The following CFAP299 variants were observed in gnomAD, a reference collection of about 807,000 sequenced individuals.
CFAP299 encodes the protein cilia and flagella associated protein 299.
CFAP299 carries 21 observed loss-of-function variants against 27.0 expected under a neutral mutation model. That is an observed-to-expected ratio of 0.78 (90% CI 0.55 to 1.12). The LOEUF (loss-of-function observed/expected upper bound fraction) is 1.12. Ranked by LOEUF, CFAP299 falls within the 50% of genes most tolerant of loss-of-function variation. The pLI is 0.00. For missense variants in CFAP299, 310 were observed against 276.6 expected, an observed-to-expected ratio of 1.12 and a Z score of -0.86; for synonymous variants, 104 against 98.1, an observed-to-expected ratio of 1.06 and a Z score of -0.36.
chr4:80,799,670 A>AATAT (rs376655396), intron 3 of CFAP299, among the ~76,000 whole-genome samples: 1 of 9,018 alleles, frequency 1.1e-4, no homozygotes, highest in Admixed American at 2.6e-3. Flanking sequence ...ATATTTTATA[A>AATAT]ATATATATTT....
At chr4:80,893,038 A>G (rs973391555) in intron 4 of CFAP299, among the ~76,000 whole-genome samples, 3 of 152,016 alleles carry the variant, frequency 2.0e-5, no homozygotes, top group African/African-American at 7.2e-5. Context: ...ATTCAGTAAA[A>G]TAGGATCAAA....
At chr4:80,784,970 G>A (rs914027711) in intron 3 of CFAP299, among the ~76,000 whole-genome samples, 5 of 152,040 alleles carry the variant, frequency 3.3e-5, no homozygotes, top group Admixed American at 2.0e-4. Flanking sequence ...TATATGATTT[G>A]CAAATATTTT....
intron 3 of CFAP299, among the ~76,000 whole-genome samples, chr4:80,680,481 A>G (rs1719768522): frequency 6.6e-6 from 1 of 152,170 alleles, no homozygotes; most frequent in African/African-American, 2.4e-5. Context: ...AAAATAGCCC[A>G]ACGACACATC....
chr4:80,852,471 A>C (rs1731581696), intron 3 of CFAP299, among the ~76,000 whole-genome samples: 1 of 152,206 alleles, frequency 6.6e-6, no homozygotes, highest in South Asian at 2.1e-4. Context: ...TAATAAAGTA[A>C]TAAGATAATA....
In CFAP299 at chr4:80,870,848, G is replaced by A. The variant is rs1438825701; in HGVS notation, c.476+713G>A. On this transcript the variant is annotated intron_variant, in intron 4 of 5. Coordinates refer to ENST00000358105, the MANE Select transcript of CFAP299 (RefSeq NM_152770.3). ...AATACCTACCTCCTCTGAGATGCCTGTTATCCTCTATCCACCCTTACTGAT... is the reference window on the plus strand; with the variant it reads ...AATACCTACCTCCTCTGAGATGCCTATTATCCTCTATCCACCCTTACTGAT... 2.3e-5 allele frequency: 23 copies of A among 985,106 alleles called. No homozygotes were observed. In the South Asian group the frequency reaches 8.9e-4, roughly 38 times the overall value. The allele number at this position is 985,106 out of a possible 1,614,324, so 61.0% of individuals were successfully genotyped here. A position where few individuals can be genotyped will look rare whatever the true frequency, so the allele number is the denominator to read the frequency against.
At chr4:80,447,626 T>C (rs1210651088) in intron 2 of CFAP299, among the ~76,000 whole-genome samples, 1 of 151,784 alleles carries the variant, frequency 6.6e-6, no homozygotes, top group African/African-American at 2.4e-5. Context: ...TGCTAATTTT[T>C]ATGTTTAGTA....
chr4:80,388,815 TTCTTC>T lies in CFAP299; in HGVS notation c.242+25937_242+25941del, dbSNP rs1310022159. The T allele has an allele frequency of 4.9e-6, 2 of 406,644 alleles. 1 individual carries two copies. The highest frequency in any genetic ancestry group is 8.2e-5 in the Admixed American group (2 of 24,538). The allele number at this position is 406,644 out of a possible 1,614,324, so 25.2% of individuals were successfully genotyped here. A position where few individuals can be genotyped will look rare whatever the true frequency, so the allele number is the denominator to read the frequency against. ...TACCTGCAAACAATGATGTTTCTATTTCTTCTCTTCCAATCATATTTCCTTAATTT... is the reference window on the plus strand; with the variant it reads ...TACCTGCAAACAATGATGTTTCTATTTCTTCCAATCATATTTCCTTAATTT... On this transcript the variant is annotated intron_variant, in intron 2 of 5. Coordinates refer to ENST00000358105, the MANE Select transcript of CFAP299 (RefSeq NM_152770.3).
intron 2 of CFAP299, among the ~76,000 whole-genome samples, chr4:80,520,293 A>G (rs530992267): frequency 1.4e-4 from 21 of 152,296 alleles, no homozygotes; most frequent in African/African-American, 5.1e-4. Flanking sequence ...TCTAAGCATC[A>G]AAATATTGAC....
chr4:80,659,031 CA>C (rs1560682294), intron 3 of CFAP299, among the ~76,000 whole-genome samples: 1 of 152,080 alleles, frequency 6.6e-6, no homozygotes, highest in African/African-American at 2.4e-5. Flanking sequence ...TAAAGATATA[CA>C]GACTTTATGA....
rs1308096930 is a variant in CFAP299 at position 80,386,516 on chromosome 4, G to A, written c.242+23632G>A. The A allele has an allele frequency of 6.1e-6, 9 of 1,487,494 alleles. 1 individual carries two copies. The highest frequency in any genetic ancestry group is 1.7e-4 in the Middle Eastern group (1 of 5,750). The allele number at this position is 1,487,494 out of a possible 1,614,324, so 92.1% of individuals were successfully genotyped here. A position where few individuals can be genotyped will look rare whatever the true frequency, so the allele number is the denominator to read the frequency against. The stretch of plus-strand genomic sequence containing the variant: ...CCCTCTTCTCGCGGGCGGTGGTGGG[G>A]GGGGGGGGTGCCGCCGGGTTTGCAG... On this transcript the variant is annotated intron_variant, in intron 2 of 5. Coordinates refer to ENST00000358105, the MANE Select transcript of CFAP299 (RefSeq NM_152770.3).
At position 80,921,560 on chromosome 4, in the gene CFAP299, G is replaced by A. The variant is rs143020144; in HGVS notation, c.477-23250G>A. On this transcript the variant is annotated intron_variant, in intron 4 of 5. Transcript: ENST00000358105. ...CTATCAGTAGTTCAGGGTTGCTTTA[G>A]CATAGATCTGAGTAGGAGCAGTAAG... is the stretch of plus-strand genomic sequence containing the variant. Among the ~76,000 whole-genome samples, 468 of 152,148 alleles carry A rather than the reference G, an allele frequency of 3.1e-3. 2 individuals are homozygous for A. The highest frequency in any genetic ancestry group is 0.011 in the African/African-American group (449 of 41,514).
intron 2 of CFAP299, among the ~76,000 whole-genome samples, chr4:80,380,669 A>G (rs1490259652): frequency 2.0e-5 from 3 of 151,944 alleles, no homozygotes. Context: ...CCTCAGGTGA[A>G]CCACCCACCT....
At chr4:80,512,134 ATT>A (rs1732335942) in intron 2 of CFAP299, among the ~76,000 whole-genome samples, 2 of 152,120 alleles carry the variant, frequency 1.3e-5, no homozygotes, top group South Asian at 4.1e-4. Flanking sequence ...TAAAATGCCT[ATT>A]AAGTTCAGTC....
At chr4:80,372,971 A>C (rs1203654066) in intron 2 of CFAP299, among the ~76,000 whole-genome samples, 2 of 152,262 alleles carry the variant, frequency 1.3e-5, no homozygotes, top group African/African-American at 4.8e-5. Context: ...TCCAGCAAGT[A>C]GCACTGCAAC....
intron 4 of CFAP299, among the ~76,000 whole-genome samples, chr4:80,897,732 A>G (rs1368316948): frequency 6.6e-6 from 1 of 152,210 alleles, no homozygotes; most frequent in African/African-American, 2.4e-5. Flanking sequence ...CTCTAGAGCT[A>G]TGCCTTTTCT....
At chr4:80,800,607 TA>T (rs1728497908) in intron 3 of CFAP299, among the ~76,000 whole-genome samples, 1 of 97,434 alleles carries the variant, frequency 1.0e-5, no homozygotes, top group Admixed American at 1.8e-4. Context: ...TTAATATAAA[TA>T]TATAATATAT....
chr4:80,617,934 C>T (rs995248461), intron 3 of CFAP299, among the ~76,000 whole-genome samples: 5 of 151,996 alleles, frequency 3.3e-5, no homozygotes, highest in South Asian at 2.1e-4. Flanking sequence ...ATTAAAAATA[C>T]GTAGGGTCAT....
chr4:80,411,688 T>C (rs1211920545), intron 2 of CFAP299, among the ~76,000 whole-genome samples: 1 of 152,126 alleles, frequency 6.6e-6, no homozygotes, highest in African/African-American at 2.4e-5. Flanking sequence ...GTTGTTATGA[T>C]ATTTTCTGAT....
At chr4:80,693,175 G>T (rs1267360318) in intron 3 of CFAP299, among the ~76,000 whole-genome samples, 2 of 152,158 alleles carry the variant, frequency 1.3e-5, no homozygotes, top group Non-Finnish European at 2.9e-5. Flanking sequence ...AATACCATTT[G>T]ACCCAGCCAT....
Sources: allele counts gnomAD v4.1 joint callset (sites outside exome capture counted in the v4.1 genomes callset), GRCh38; gene constraint gnomAD v4.1.1; transcripts MANE v1.5; gene names NCBI Gene and HGNC (gene_info 2026-07-23, HGNC 2026-07-21).